CALB1: variants seen among roughly 807,000 people sequenced by gnomAD.
CALB1 encodes the protein calbindin 1.
Under a neutral mutation model 46.7 loss-of-function variants are expected in CALB1, and 16 were observed. The observed-to-expected ratio is 0.34, with a 90% CI of 0.23 to 0.52. CALB1 has a LOEUF of 0.52. Among genes scored for constraint, CALB1 ranks in the 20% least tolerant of loss-of-function variants. The pLI is 0.95. For missense variants in CALB1, 224 were observed against 300.3 expected (o/e 0.75, Z 1.88); for synonymous variants, 90 against 112.8 (o/e 0.80, Z 1.28).
intron 2 of CALB1, 65 bp from the exon 3 acceptor site, chr8:90,078,512 T>A: frequency 1.1e-6 from 1 of 915,492 alleles, no homozygotes; most frequent in Non-Finnish European, 1.7e-6. Flanking sequence ...TGTGATGGTG[T>A]TAATAACTTA....
chr8:90,070,429 CAT>C (rs2130236897), intron 3 of CALB1, among the ~76,000 whole-genome samples: 1 of 152,226 alleles, frequency 6.6e-6, no homozygotes, highest in East Asian at 1.9e-4. Flanking sequence ...AAAATACTAT[CAT>C]AACTTTTTTT....
intron 3 of CALB1, among the ~76,000 whole-genome samples, chr8:90,073,412 G>A (rs1325971698): frequency 2.6e-5 from 4 of 152,070 alleles, no homozygotes; most frequent in African/African-American, 4.8e-5. Context: ...AAGGCCCAAC[G>A]GTCTCACTCA....
At position 90,069,135 on chromosome 8, in the gene CALB1, A is replaced by G; in HGVS notation, c.315+19T>C. The stretch of plus-strand genomic sequence containing the variant: ...TTCCTACTTTAAGCAGCTTTCTTAA[A>G]GGGGCAGCTTTCTTATACCTTCATG... On this transcript the variant is annotated intron_variant, in intron 4 of 10. Coordinates refer to ENST00000265431, the MANE Select transcript of CALB1 (RefSeq NM_004929.4). 7 of 1,612,772 alleles carry G rather than the reference A, an allele frequency of 4.3e-6. No individual in the cohort carries two copies. Among genetic ancestry groups the G allele is most frequent in the Non-Finnish European group, 5.9e-6 (7 of 1,178,824 alleles).
intron 3 of CALB1, among the ~76,000 whole-genome samples, chr8:90,069,749 C>A (rs1805908): frequency 1.3e-5 from 2 of 152,136 alleles, no homozygotes; most frequent in East Asian, 3.9e-4. Context: ...CCATGAGATA[C>A]AAGAGAAGAT....
intron 8 of CALB1, 41 bp from the exon 9 acceptor site, chr8:90,063,194 T>C (rs916394630): frequency 5.3e-6 from 8 of 1,507,112 alleles, no homozygotes; most frequent in Admixed American, 1.7e-5. Flanking sequence ...ATGTTATTAC[T>C]ATGTTTCAGT....
At chr8:90,071,932 T>C (rs982433906) in intron 3 of CALB1, among the ~76,000 whole-genome samples, 2 of 152,216 alleles carry the variant, frequency 1.3e-5, no homozygotes, top group South Asian at 2.1e-4. Context: ...CTTTTCTGCA[T>C]CCCCTGAATG....
chr8:90,079,729 A>T (rs1175233042), intron 2 of CALB1, among the ~76,000 whole-genome samples: 1 of 152,044 alleles, frequency 6.6e-6, no homozygotes, highest in Admixed American at 6.5e-5. Flanking sequence ...AAATGAGTGC[A>T]ACTACAAAGA....
At chr8:90,066,048 G>A in intron 5 of CALB1, 73 bp from the exon 6 acceptor site, 1 of 976,756 alleles carries the variant, frequency 1.0e-6, no homozygotes, top group South Asian at 1.3e-5. Context: ...GAATGCCTTG[G>A]AACAGGACAT....
At position 90,082,728 on chromosome 8, in the gene CALB1, A is replaced by C. The variant is rs1447597784; in HGVS notation, c.-31T>G. The stretch of plus-strand genomic sequence containing the variant: ...AGCGGGGTGTGTGTCTGGGTGTGTG[A>C]ATATGCGTGTGTCTGTGTCCGCGCG... On this transcript the variant is annotated 5_prime_UTR_variant, in exon 1 of 11. In the 5' UTR this introduces an upstream ATG that the reference lacks. Transcript: ENST00000265431. 6 of 1,589,980 alleles carry C rather than the reference A, an allele frequency of 3.8e-6. No individual in the cohort carries two copies. The African/African-American group carries it at 8.1e-5, about 21-fold the overall frequency.
At chr8:90,076,670 T>C (rs1814628463) in intron 3 of CALB1, among the ~76,000 whole-genome samples, 1 of 152,046 alleles carries the variant, frequency 6.6e-6, no homozygotes, top group Admixed American at 6.6e-5. Context: ...AGCCTTTTCT[T>C]TCCTGTAACA....
chr8:90,082,287 T>C (rs2130257118), intron 1 of CALB1, 185 bp from the exon 2 acceptor site: 2 of 617,898 alleles, frequency 3.2e-6, no homozygotes, highest in South Asian at 4.0e-5. Context: ...TTAGATCCAC[T>C]GAGGACAAAG....
chr8:90,078,503 G>A, intron 2 of CALB1, 56 bp from the exon 3 acceptor site: 2 of 989,792 alleles, frequency 2.0e-6, no homozygotes, highest in Non-Finnish European at 1.6e-6. Context: ...AGTTATGCTT[G>A]TGATGGTGTT....
chr8:90,064,637 T>C (rs1312934999), intron 6 of CALB1, among the ~76,000 whole-genome samples: 1 of 151,696 alleles, frequency 6.6e-6, no homozygotes, highest in African/African-American at 2.4e-5. Flanking sequence ...AAATAGAAAA[T>C]TGATAAATGT....
rs566148311 is a variant in CALB1 at position 90,068,958 on chromosome 8, T to A, written c.372+40A>T. On this transcript the variant is annotated intron_variant, in intron 5 of 10. Transcript: ENST00000265431. ...AGGAAACTCTTAGTTCATAATTGCA[T>A]CTGAAAGGAAAAACTTAGTACAAGT... The A allele has an allele frequency of 6.1e-6, 9 of 1,470,104 alleles. No homozygotes were observed. The Admixed American group carries it at 1.7e-4, about 28-fold the overall frequency. The allele number at this position is 1,470,104 out of a possible 1,614,324, so 91.1% of individuals were successfully genotyped here. A position where few individuals can be genotyped will look rare whatever the true frequency, so the allele number is the denominator to read the frequency against.
chr8:90,082,226 AC>A, intron 1 of CALB1, 124 bp from the exon 2 acceptor site: 2 of 813,146 alleles, frequency 2.5e-6, no homozygotes, highest in African/African-American at 1.7e-5. Context: ...ACGTTGATTA[AC>A]CAGCAAAGTG....
At chr8:90,066,352 A>T (rs1814396704) in intron 5 of CALB1, among the ~76,000 whole-genome samples, 1 of 152,048 alleles carries the variant, frequency 6.6e-6, no homozygotes, top group African/African-American at 2.4e-5. Context: ...TCTGCAAGAA[A>T]CACAAGGGCC....
intron 10 of CALB1, 55 bp downstream of exon 10, chr8:90,060,574 T>C: frequency 1.4e-6 from 2 of 1,380,572 alleles, no homozygotes; most frequent in Middle Eastern, 1.8e-4. Flanking sequence ...CTGTTGGTTT[T>C]GGATGGATCC....
At chr8:90,073,534 A>G (rs1211998758) in intron 3 of CALB1, among the ~76,000 whole-genome samples, 7 of 152,084 alleles carry the variant, frequency 4.6e-5, no homozygotes, top group African/African-American at 1.7e-4. Context: ...GCCCAGATCT[A>G]TTCTCTTCAC....
chr8:90,074,841 A>T (rs978370671), intron 3 of CALB1, among the ~76,000 whole-genome samples: 35 of 152,210 alleles, frequency 2.3e-4, no homozygotes, highest in African/African-American at 8.4e-4. Context: ...GATCAGGTGA[A>T]AAACTTACAG....
Sources: gnomAD v4.1 joint callset for allele counts (sites outside exome capture counted in the v4.1 genomes callset) on GRCh38, gnomAD v4.1.1 for gene constraint, MANE v1.5 for transcripts, NCBI Gene and HGNC (gene_info 2026-07-23, HGNC 2026-07-21) for gene names.